MEGF11: variants seen among roughly 807,000 people sequenced by gnomAD.
MEGF11 encodes multiple epidermal growth factor-like domains protein 11.
In MEGF11, 126 loss-of-function variants were observed where a neutral mutation model predicts 146.6. The ratio of observed to expected loss-of-function variants is 0.86; its 90% CI spans 0.74 to 1.00. MEGF11 has a LOEUF of 1.00. MEGF11 is among the 50% of genes least tolerant of loss of function. MEGF11 has a pLI of 0.00. For missense variants in MEGF11, 1,509 were observed against 1,521.2 expected (o/e 0.99, Z 0.13); for synonymous variants, 532 against 583.4 (o/e 0.91, Z 1.27).
intron 15 of MEGF11, among the ~76,000 whole-genome samples, chr15:65,920,479 C>A (rs2079139593): frequency 6.6e-6 from 1 of 152,284 alleles, no homozygotes; most frequent in Non-Finnish European, 1.5e-5. Context: ...TACCCTACCC[C>A]CAAAATGAAC....
chr15:66,135,248 A>G lies in MEGF11; in HGVS notation c.-8-6837T>C, dbSNP rs189682762. Among the ~76,000 whole-genome samples the G allele has an allele frequency of 1.3e-3, 203 of 152,044 alleles. 1 individual carries two copies. Among genetic ancestry groups the G allele is most frequent in the Non-Finnish European group, 1.5e-3 (101 of 67,938 alleles). ...TTTAGAATTTCTAAGGAACTGGAAGAAAAAAAAAGACAATGACAGAAAAAT... is the reference window on the plus strand; with the variant it reads ...TTTAGAATTTCTAAGGAACTGGAAGGAAAAAAAAGACAATGACAGAAAAAT... On this transcript the variant is annotated intron_variant, in intron 1 of 25. Coordinates refer to ENST00000395614, the MANE Select transcript of MEGF11 (RefSeq NM_001385028.1).
chr15:66,044,485 G>C (rs1185229713), intron 5 of MEGF11, among the ~76,000 whole-genome samples: 1 of 152,092 alleles, frequency 6.6e-6, no homozygotes, highest in African/African-American at 2.4e-5. Context: ...CACCCCAGGA[G>C]GTGCCCATAA....
chr15:66,151,998 G>C (rs1003936471), intron 1 of MEGF11, among the ~76,000 whole-genome samples: 1 of 152,242 alleles, frequency 6.6e-6, no homozygotes, highest in Admixed American at 6.5e-5. Context: ...CAGCAGCACC[G>C]CCCTTCACCC....
intron 5 of MEGF11, among the ~76,000 whole-genome samples, chr15:66,065,405 G>A (rs1191294399): frequency 6.6e-6 from 1 of 152,158 alleles, no homozygotes; most frequent in Non-Finnish European, 1.5e-5. Flanking sequence ...CAAGTTAGAT[G>A]GGATGCCACC....
At chr15:66,169,804 C>T (rs1325651195) in intron 1 of MEGF11, among the ~76,000 whole-genome samples, 1 of 152,196 alleles carries the variant, frequency 6.6e-6, no homozygotes, top group Non-Finnish European at 1.5e-5. Flanking sequence ...TCCTTCCTAC[C>T]CGCAGGCGGA....
intron 1 of MEGF11, among the ~76,000 whole-genome samples, chr15:66,218,980 A>T (rs202069934): frequency 1.9e-3 from 166 of 87,412 alleles, no homozygotes; most frequent in Admixed American, 2.8e-3. Flanking sequence ...ATCCACAGGC[A>T]AAAAAAAAAA....
chr15:66,206,858 G>A (rs1183548077), intron 1 of MEGF11, among the ~76,000 whole-genome samples: 8 of 152,242 alleles, frequency 5.3e-5, no homozygotes, highest in East Asian at 1.9e-4. Context: ...AGCTGAGATC[G>A]TGTCACTGCA....
At chr15:65,924,357 G>A (rs1228996645) in intron 13 of MEGF11, among the ~76,000 whole-genome samples, 2 of 144,828 alleles carry the variant, frequency 1.4e-5, no homozygotes, top group African/African-American at 5.2e-5. Context: ...TTGCGGGTGG[G>A]TAGGTGGGGT....
chr15:66,068,890 G>A (rs977664951), intron 5 of MEGF11, among the ~76,000 whole-genome samples: 1 of 152,222 alleles, frequency 6.6e-6, no homozygotes, highest in African/African-American at 2.4e-5. Context: ...GAAAAACAGT[G>A]TCTGCCTGCT....
At chr15:65,936,985 T>A (rs1236039130) in intron 10 of MEGF11, among the ~76,000 whole-genome samples, 3 of 152,204 alleles carry the variant, frequency 2.0e-5, no homozygotes, top group Non-Finnish European at 4.4e-5. Context: ...CAACTCTGCC[T>A]ACCAGAGAGT....
Position 65,982,999 on chromosome 15 carries a change from C to T in MEGF11, c.395-511G>A, listed in dbSNP as rs933199400. 6.6e-6 allele frequency among the ~76,000 whole-genome samples: 1 copy of T among 152,132 alleles called. No individual in the cohort carries two copies. The highest frequency in any genetic ancestry group is 2.4e-5 in the African/African-American group (1 of 41,426). ...CTATCTTTCCTGCCCGCTTCTCCCTCTTCCCCACACGCATTGGTTTTCTCA... is the reference window on the plus strand; with the variant it reads ...CTATCTTTCCTGCCCGCTTCTCCCTTTTCCCCACACGCATTGGTTTTCTCA... On this transcript the variant is annotated intron_variant, in intron 5 of 25. Coordinates refer to ENST00000395614, the MANE Select transcript of MEGF11 (RefSeq NM_001385028.1). This position sits in a 1 kb window ranked among gnomAD's most constrained non-coding sequence, Gnocchi z 5.6.
intron 14 of MEGF11, among the ~76,000 whole-genome samples, 174 bp downstream of exon 14, chr15:65,922,649 C>T (rs183446523): frequency 5.3e-5 from 8 of 152,292 alleles, no homozygotes; most frequent in South Asian, 2.1e-4. Context: ...CATTGAGTAG[C>T]TGGGCTGGGC....
At chr15:66,244,341 C>G (rs943359395) in intron 1 of MEGF11, among the ~76,000 whole-genome samples, 15 of 152,116 alleles carry the variant, frequency 9.9e-5, no homozygotes. Context: ...TTTTCTGCAC[C>G]AAGTAACACA....
At chr15:66,190,988 C>CTT (rs36126350) in intron 1 of MEGF11, among the ~76,000 whole-genome samples, 97,109 of 151,714 alleles carry the variant, frequency 0.64, 31,863 homozygotes, top group African/African-American at 0.77. Flanking sequence ...ACAGGGGAGA[C>CTT]TATTACAACA....
intron 1 of MEGF11, among the ~76,000 whole-genome samples, chr15:66,211,305 C>T (rs554440484): frequency 2.9e-4 from 44 of 152,240 alleles, no homozygotes; most frequent in South Asian, 6.2e-4. Flanking sequence ...GGGCGGATCA[C>T]GAAGTCAGGA....
chr15:66,026,719 A>C (rs2083343160), intron 5 of MEGF11, among the ~76,000 whole-genome samples: 1 of 151,256 alleles, frequency 6.6e-6, no homozygotes. Context: ...CGATCTCCTG[A>C]CCTCATGATC....
In MEGF11 at chr15:65,980,849, G is replaced by A. The variant is rs145333107; in HGVS notation, c.691C>T (p.Arg231Cys). Residue 231 changes from arginine (R) to cysteine (C), a missense_variant, in exon 7 of 26, where the codon CGC (arginine) becomes TGC (cysteine). Physicochemically the swap from Arg to Cys is radical, Grantham distance 180. Coordinates refer to ENST00000395614, the MANE Select transcript of MEGF11 (RefSeq NM_001385028.1). ...GTGCCCCCATTCTGACAGGGGCAGC[G>A]CAGCTCACAGTGAGCTCCATGGCTC... Reference protein sequence around the residue: ...PGSHGAHCELRCPCQNGGTCH... With the variant: ...PGSHGAHCELCCPCQNGGTCH... 1.3e-5 allele frequency: 21 copies of A among 1,596,794 alleles called. No individual in the cohort carries two copies. Among genetic ancestry groups the A allele is most frequent in the African/African-American group, 8.0e-5 (6 of 74,686 alleles).
chr15:65,981,912 G>T (rs891862190), intron 6 of MEGF11, among the ~76,000 whole-genome samples: 1 of 152,164 alleles, frequency 6.6e-6, no homozygotes, highest in African/African-American at 2.4e-5. Flanking sequence ...CTGCCAGGAA[G>T]GGCCTCCTGG....
chr15:66,128,956 C>G (rs2088522629), intron 1 of MEGF11, among the ~76,000 whole-genome samples: 1 of 152,200 alleles, frequency 6.6e-6, no homozygotes, highest in Non-Finnish European at 1.5e-5. Flanking sequence ...AAGACTGGAT[C>G]TTGCTTCTTC....
Sources: gnomAD v4.1 joint callset for allele counts (sites outside exome capture counted in the v4.1 genomes callset) on GRCh38, gnomAD v4.1.1 for gene constraint, Gnocchi (gnomAD v3.1) non-coding constraint, MANE v1.5 for transcripts, NCBI Gene and HGNC (gene_info 2026-07-23, HGNC 2026-07-21) for gene names.